The following RSPH6A variants were observed in gnomAD, a reference collection of about 807,000 sequenced individuals.
RSPH6A encodes radial spoke head protein 6 homolog A.
Under a neutral mutation model 66.1 loss-of-function variants are expected in RSPH6A, and 49 were observed. The ratio of observed to expected loss-of-function variants is 0.74; its 90% CI spans 0.59 to 0.94. The LOEUF is 0.94. Among genes scored for constraint, RSPH6A ranks in the 40% least tolerant of loss-of-function variants. The pLI is 0.00. For missense variants in RSPH6A, 977 were observed against 948.3 expected (o/e 1.03, Z -0.40); for synonymous variants, 419 against 402.4 (o/e 1.04, Z -0.49).
chr19:45,806,973 C>G (rs1029350769), intron 2 of RSPH6A, among the ~76,000 whole-genome samples: 4 of 151,460 alleles, frequency 2.6e-5, no homozygotes, highest in African/African-American at 7.3e-5. Flanking sequence ...CAGCTCACTG[C>G]AACCTCCACT....
In RSPH6A at chr19:45,815,269, C is replaced by A; in HGVS notation, c.-93G>T. 7.4e-7 allele frequency: 1 copy of A among 1,350,982 alleles called. No homozygotes were observed. The highest frequency in any genetic ancestry group is 1.5e-5 in the South Asian group (1 of 67,328). 83.7% of individuals were successfully genotyped at this position (1,350,982 alleles called of 1,614,324 possible). A position where few individuals can be genotyped will look rare whatever the true frequency, so the allele number is the denominator to read the frequency against. On this transcript the variant is annotated 5_prime_UTR_variant, in exon 1 of 6. Coordinates refer to ENST00000221538, the MANE Select transcript of RSPH6A (RefSeq NM_030785.4). ...TGTCGACACCGCCGGTTTCTGAGCACCGAGAGAGGGGGCCGTTACCCGTGG... is the reference window on the plus strand; with the variant it reads ...TGTCGACACCGCCGGTTTCTGAGCAACGAGAGAGGGGGCCGTTACCCGTGG...
rs1165812047 is a variant in RSPH6A, at chr19:45,814,887, T to C, written c.290A>G (p.Glu97Gly). The C allele has an allele frequency of 3.1e-6, 5 of 1,614,048 alleles. No homozygotes were observed. In the Admixed American group the frequency reaches 5.0e-5, roughly 16 times the overall value. Residue 97 changes from glutamate (E) to glycine (G), a missense_variant, in exon 1 of 6, where the codon GAG (glutamate) becomes GGG (glycine). Transcript: ENST00000221538. ...YPSVNTGFPS[E>G]FQPQPYSDES... ...ATCAGAGTAAGGCTGAGGCTGGAAC[T>C]CTGAGGGAAAGCCCGTGTTCACAGA...
chr19:45,813,805 T>C (rs533293482), intron 1 of RSPH6A, among the ~76,000 whole-genome samples: 91 of 152,312 alleles, frequency 6.0e-4, no homozygotes, highest in African/African-American at 2.1e-3. Flanking sequence ...GTTTTGTGAC[T>C]GTAGCTAAGT....
In RSPH6A at chr19:45,810,337, A is replaced by G. The variant is rs182701133; in HGVS notation, c.888+266T>C. On this transcript the variant is annotated intron_variant, in intron 2 of 5. Coordinates refer to ENST00000221538, the MANE Select transcript of RSPH6A (RefSeq NM_030785.4). ...ATGTGCCTGCTGCCACGCTTGGCTA[A>G]TTTCTTATATTTTTAGTAGAGACGG... Among the ~76,000 whole-genome samples, 172 of 151,912 alleles carry G rather than the reference A, an allele frequency of 1.1e-3. 2 individuals are homozygous for G. The highest frequency in any genetic ancestry group is 4.0e-3 in the African/African-American group (167 of 41,396).
At chr19:45,813,469 G>A (rs1254094842) in intron 1 of RSPH6A, among the ~76,000 whole-genome samples, 2 of 152,044 alleles carry the variant, frequency 1.3e-5, no homozygotes, top group East Asian at 1.9e-4. Flanking sequence ...TCAACCTCCC[G>A]AGGAGCTGGG....
chr19:45,807,360 C>T (rs546127368), intron 2 of RSPH6A, among the ~76,000 whole-genome samples: 37 of 150,874 alleles, frequency 2.5e-4, no homozygotes, highest in African/African-American at 8.0e-4. Flanking sequence ...GGACTACAGG[C>T]GCCCACCACC....
intron 5 of RSPH6A, 87 bp from the exon 6 acceptor site, chr19:45,796,193 C>G: frequency 9.4e-7 from 1 of 1,064,628 alleles, no homozygotes. Flanking sequence ...TGGAGTCTTA[C>G]TCTGTTGCCT....
chr19:45,803,828 A>C (rs895430257), intron 3 of RSPH6A, among the ~76,000 whole-genome samples: 6 of 151,422 alleles, frequency 4.0e-5, no homozygotes, highest in African/African-American at 1.5e-4. Flanking sequence ...CCTCATCTCT[A>C]CTAAAATACA....
chr19:45,799,447 G>C (rs746905873), intron 5 of RSPH6A, among the ~76,000 whole-genome samples: 3 of 152,176 alleles, frequency 2.0e-5, no homozygotes, highest in Non-Finnish European at 4.4e-5. Context: ...CTGCAACCTC[G>C]ATCTCCTGGG....
chr19:45,798,817 C>A (rs1333520362), intron 5 of RSPH6A, among the ~76,000 whole-genome samples: 4 of 137,086 alleles, frequency 2.9e-5, no homozygotes, highest in African/African-American at 8.2e-5. Flanking sequence ...CCAGCCTGGG[C>A]AACAGAGCGA....
intron 4 of RSPH6A, among the ~76,000 whole-genome samples, 174 bp downstream of exon 4, chr19:45,801,946 T>C (rs1256378013): frequency 6.6e-6 from 1 of 152,206 alleles, no homozygotes; most frequent in Non-Finnish European, 1.5e-5. Context: ...TCTATGGACA[T>C]GTTCCCAGAA....
At chr19:45,810,373 T>C (rs1281469772) in intron 2 of RSPH6A, among the ~76,000 whole-genome samples, 1 of 152,070 alleles carries the variant, frequency 6.6e-6, no homozygotes, top group African/African-American at 2.4e-5. Context: ...GGTTTCATCA[T>C]GTTAGCAAAG....
At chr19:45,813,876 G>T (rs1412654958) in intron 1 of RSPH6A, among the ~76,000 whole-genome samples, 1 of 152,086 alleles carries the variant, frequency 6.6e-6, no homozygotes, top group Non-Finnish European at 1.5e-5. Context: ...AGGGTCTCAG[G>T]AGGGCTGGGC....
chr19:45,806,422 C>T (rs1410368881), intron 2 of RSPH6A, among the ~76,000 whole-genome samples: 1 of 152,034 alleles, frequency 6.6e-6, no homozygotes, highest in African/African-American at 2.4e-5. Flanking sequence ...CCTGTAATCC[C>T]AGCACTTTGG....
chr19:45,796,386 T>C (rs573240089), intron 5 of RSPH6A, among the ~76,000 whole-genome samples: 19 of 151,760 alleles, frequency 1.3e-4, no homozygotes, highest in African/African-American at 4.6e-4. Context: ...ACTCCTGACC[T>C]CATGATCTGC....
intron 3 of RSPH6A, among the ~76,000 whole-genome samples, chr19:45,802,788 C>T (rs1167823101): frequency 4.7e-5 from 7 of 149,738 alleles, no homozygotes; most frequent in African/African-American, 1.2e-4. Context: ...ATTACAGGTG[C>T]GAGCCATTGC....
chr19:45,806,834 C>T (rs1227160973), intron 2 of RSPH6A, among the ~76,000 whole-genome samples: 4 of 151,936 alleles, frequency 2.6e-5, no homozygotes, highest in Non-Finnish European at 5.9e-5. Flanking sequence ...TCCATGTGGC[C>T]ACAAGGCTGT....
At chr19:45,805,450 G>C (rs1008110219) in intron 2 of RSPH6A, among the ~76,000 whole-genome samples, 1 of 151,990 alleles carries the variant, frequency 6.6e-6, no homozygotes, top group African/African-American at 2.4e-5. Context: ...CCAGCACTTA[G>C]GGAGGCCAAG....
rs371543007 is a variant in RSPH6A at position 45,804,740 on chromosome 19, C to T, written c.1165G>A (p.Glu389Lys). ...EGGEVMEAHG[E>K]EEGEEDEEKA... ...TCCTCGTCCTCCTCGCCCTCCTCCT[C>T]GCCGTGCGCCTCCATGACCTCGCCA... The change falls in exon 3 of 6, where the codon GAG becomes AAG. Residue 389 changes from glutamate (E) to lysine (K), a missense_variant. Transcript: ENST00000221538. The surrounding 1 kb of genome is among the most constrained non-coding windows in gnomAD (Gnocchi z 5.8). The T allele has an allele frequency of 5.6e-6, 9 of 1,612,658 alleles. No homozygotes were observed. Among genetic ancestry groups the T allele is most frequent in the Middle Eastern group, 1.6e-4 (1 of 6,084 alleles).
Sources: allele counts gnomAD v4.1 joint callset (sites outside exome capture counted in the v4.1 genomes callset), GRCh38; gene constraint gnomAD v4.1.1; non-coding constraint Gnocchi (gnomAD v3.1); transcripts MANE v1.5; gene names NCBI Gene and HGNC (gene_info 2026-07-23, HGNC 2026-07-21).